PTPRO: variants seen among roughly 807,000 people sequenced by gnomAD.
PTPRO encodes the protein receptor-type tyrosine-protein phosphatase O.
A neutral mutation model predicts 145.2 loss-of-function variants in PTPRO; 62 were observed. The ratio of observed to expected loss-of-function variants is 0.43; its 90% confidence interval spans 0.35 to 0.53. The LOEUF is 0.53. Among genes scored for constraint, PTPRO ranks in the 20% least tolerant of loss-of-function variants. The pLI is 0.01. For missense variants in PTPRO, 1,345 were observed against 1,482.7 expected (o/e 0.91, Z 1.53); for synonymous variants, 565 against 514.7 (o/e 1.10, Z -1.32).
At position 15,520,045 on chromosome 12, in the gene PTPRO, G is replaced by A. The variant is rs553120582; in HGVS notation, c.1780-156G>A. On this transcript the variant is annotated intron_variant, in intron 9 of 26. Coordinates refer to ENST00000281171, the MANE Select transcript of PTPRO (RefSeq NM_030667.3). ...TTACTTTATGTCTCATTTCATTCTA[G>A]AAAGAATATTTTATTATAGTAAATT... is the stretch of plus-strand genomic sequence containing the variant. Among the ~76,000 whole-genome samples the A allele has an allele frequency of 5.3e-5, 8 of 151,828 alleles. No individual in the cohort carries two copies. In the East Asian group the frequency reaches 1.5e-3, roughly 29 times the overall value.
At chr12:15,370,598 T>TA (rs1295870249) in intron 1 of PTPRO, among the ~76,000 whole-genome samples, 1 of 152,288 alleles carries the variant, frequency 6.6e-6, no homozygotes, top group East Asian at 1.9e-4. Context: ...ACGATGGTAA[T>TA]ATATGTATGA....
chr12:15,467,296 C>T (rs1269322457), intron 1 of PTPRO, among the ~76,000 whole-genome samples: 1 of 151,982 alleles, frequency 6.6e-6, no homozygotes, highest in Non-Finnish European at 1.5e-5. Context: ...ACTTGGATGC[C>T]CACAGTCATC....
At chr12:15,517,582 T>C (rs1942626605) in intron 9 of PTPRO, among the ~76,000 whole-genome samples, 1 of 152,148 alleles carries the variant, frequency 6.6e-6, no homozygotes, top group African/African-American at 2.4e-5. Flanking sequence ...TATGAGTCTG[T>C]AAAATCAAAA....
chr12:15,569,952 C>T (rs903371885), intron 19 of PTPRO, among the ~76,000 whole-genome samples: 8 of 152,188 alleles, frequency 5.3e-5, no homozygotes, highest in Non-Finnish European at 1.2e-4. Flanking sequence ...TAGGGCTTTT[C>T]AAGCTATAGG....
chr12:15,404,253 A>G (rs1052768809), intron 1 of PTPRO, among the ~76,000 whole-genome samples: 1 of 151,506 alleles, frequency 6.6e-6, no homozygotes, highest in African/African-American at 2.4e-5. Context: ...ATAGTATTTG[A>G]CTAAATAACA....
chr12:15,514,764 T>A (rs1384923404), intron 7 of PTPRO, among the ~76,000 whole-genome samples: 3 of 152,128 alleles, frequency 2.0e-5, no homozygotes, highest in African/African-American at 2.4e-5. Context: ...TTTATTTATT[T>A]TTTATTTTTG....
intron 19 of PTPRO, among the ~76,000 whole-genome samples, chr12:15,576,253 T>C (rs2082860013): frequency 6.6e-6 from 1 of 152,260 alleles, no homozygotes; most frequent in Non-Finnish European, 1.5e-5. Context: ...TTCCACTTAG[T>C]GACAGGCTAA....
chr12:15,446,059 A>G (rs1940893297), intron 1 of PTPRO, among the ~76,000 whole-genome samples: 1 of 152,144 alleles, frequency 6.6e-6, no homozygotes. Flanking sequence ...TCATTACTCT[A>G]ATGCCTCATT....
At chr12:15,330,677 G>A (rs1057309096) in intron 1 of PTPRO, among the ~76,000 whole-genome samples, 4 of 152,164 alleles carry the variant, frequency 2.6e-5, no homozygotes, top group African/African-American at 9.7e-5. Context: ...CTCTCTTCCA[G>A]TTCTATAGTC....
At chr12:15,526,284 G>T in intron 12 of PTPRO, 22 bp downstream of exon 12, 3 of 1,612,822 alleles carry the variant, frequency 1.9e-6, no homozygotes, top group South Asian at 1.1e-5. Context: ...GCACAGAGAT[G>T]GGTGTGAAAT....
chr12:15,406,691 T>C (rs904469136), intron 1 of PTPRO, among the ~76,000 whole-genome samples: 1 of 152,126 alleles, frequency 6.6e-6, no homozygotes, highest in Non-Finnish European at 1.5e-5. Flanking sequence ...AAAAAATAAA[T>C]GCTATAAATG....
intron 1 of PTPRO, among the ~76,000 whole-genome samples, chr12:15,463,190 A>G (rs1000892665): frequency 9.9e-5 from 15 of 152,160 alleles, no homozygotes; most frequent in African/African-American, 3.6e-4. Context: ...TCTGGCATGT[A>G]TCTCTTAATA....
chr12:15,465,100 C>T (rs1167771716), intron 1 of PTPRO, among the ~76,000 whole-genome samples: 1 of 152,116 alleles, frequency 6.6e-6, no homozygotes, highest in Non-Finnish European at 1.5e-5. Flanking sequence ...TATATAAATG[C>T]CCATCCTTCC....
intron 12 of PTPRO, among the ~76,000 whole-genome samples, chr12:15,536,496 A>C (rs1943068292): frequency 6.6e-6 from 1 of 152,194 alleles, no homozygotes; most frequent in African/African-American, 2.4e-5. Flanking sequence ...GGAACAAACA[A>C]GGTAGAGAGC....
Position 15,524,894 on chromosome 12 carries a change from A to G in PTPRO, c.1972A>G (p.Thr658Ala), listed in dbSNP as rs1321444508. ...CAGTTGGACATATGGGGATGATACA[A>G]CGGACTTGTCCCATTCTAGAATGCT... ...YISWTYGDDT[T>A]DLSHSRMLHW... The change falls in exon 11 of 27, where the codon ACG becomes GCG. Residue 658 changes from threonine to alanine, a missense_variant. By Grantham distance (58) the Thr-to-Ala change is moderately conservative (BLOSUM62 0). Coordinates refer to ENST00000281171, the MANE Select transcript of PTPRO (RefSeq NM_030667.3). 1.9e-6 allele frequency: 3 copies of G among 1,613,858 alleles called. No homozygotes were observed. The highest frequency in any genetic ancestry group is 2.5e-6 in the Non-Finnish European group (3 of 1,179,776).
Position 15,516,563 on chromosome 12 carries a change from G to A in PTPRO, c.1586-200G>A, listed in dbSNP as rs7965659. 0.025 allele frequency among the ~76,000 whole-genome samples: 3,522 copies of A among 138,308 alleles called. 179 individuals are homozygous for A. Among genetic ancestry groups the A allele is most frequent in the African/African-American group, 0.089 (3,318 of 37,198 alleles). The allele number at this position is 138,308 out of a possible 152,430, so 90.7% of individuals were successfully genotyped here. On this transcript the variant is annotated intron_variant, in intron 8 of 26. Transcript: ENST00000281171. The stretch of plus-strand genomic sequence containing the variant: ...AAGGAGGGAGGGAGGGAAGAAGGAA[G>A]GGGGAGGGCAGGGGGAGGGAGGAAG...
At chr12:15,324,470 T>C (rs1866389583) in intron 1 of PTPRO, among the ~76,000 whole-genome samples, 1 of 152,198 alleles carries the variant, frequency 6.6e-6, no homozygotes, top group Non-Finnish European at 1.5e-5. Flanking sequence ...GATGGTGTAA[T>C]GAAAATGTTA....
At chr12:15,528,138 A>G (rs1591689660) in intron 12 of PTPRO, among the ~76,000 whole-genome samples, 1 of 152,068 alleles carries the variant, frequency 6.6e-6, no homozygotes, top group Non-Finnish European at 1.5e-5. Context: ...TGATTCAGGG[A>G]GCTAAAAGCC....
At chr12:15,390,545 C>A (rs1318878) in intron 1 of PTPRO, among the ~76,000 whole-genome samples, 33,331 of 151,742 alleles carry the variant, frequency 0.22, 3,765 homozygotes, top group African/African-American at 0.26. Context: ...CCACAACACG[C>A]GGGAATTATG....
Sources: gnomAD v4.1 joint callset for allele counts (sites outside exome capture counted in the v4.1 genomes callset) on GRCh38, gnomAD v4.1.1 for gene constraint, MANE v1.5 for transcripts, NCBI Gene and HGNC (gene_info 2026-07-23, HGNC 2026-07-21) for gene names.